Variants in PRR27 observed in about 807,000 individuals in gnomAD.
The protein encoded by PRR27 is proline rich 27.
In PRR27, 12 loss-of-function variants were observed where a neutral mutation model predicts 16.8. The ratio of observed to expected loss-of-function variants is 0.71; its 90% CI spans 0.46 to 1.16. PRR27 has a LOEUF of 1.16. PRR27 is among the 50% of genes most tolerant of loss of function. The probability of loss-of-function intolerance (pLI) is 0.00; values close to 1 mark genes in which losing one functional copy is unlikely to be tolerated. For synonymous variants in PRR27, 100 were observed against 98.4 expected, an observed-to-expected ratio of 1.02 and a Z score of -0.10; for missense variants, 277 against 273.3, an observed-to-expected ratio of 1.01 and a Z score of -0.10.
At position 70,163,993 on chromosome 4, in the gene PRR27, GA is replaced by G. The variant is rs1309956279; in HGVS notation, c.*1335del. On this transcript the variant is annotated 3_prime_UTR_variant, in exon 5 of 5. Coordinates refer to ENST00000344526, the MANE Select transcript of PRR27 (RefSeq NM_214711.4). ...TTTTCTACTTCGGGGGTCTCATATA[GA>G]AATCCTGCTTCAGAATACTCTTCCC... is the stretch of plus-strand genomic sequence containing the variant. 2 of 151,508 alleles carry G rather than the reference GA, an allele frequency of 1.3e-5. No homozygotes were observed. Among genetic ancestry groups the G allele is most frequent in the East Asian group, 3.9e-4 (2 of 5,138 alleles). The allele number at this position is 151,508 out of a possible 1,614,324, so 9.4% of individuals were successfully genotyped here.
intron 3 of PRR27, among the ~76,000 whole-genome samples, chr4:70,159,108 T>TA (rs1366911971): frequency 6.6e-6 from 1 of 152,188 alleles, no homozygotes; most frequent in Non-Finnish European, 1.5e-5. Context: ...TGAAAAGAGT[T>TA]ACCAGGATGG....
intron 1 of PRR27, among the ~76,000 whole-genome samples, chr4:70,155,095 C>T (rs769926318): frequency 2.0e-5 from 3 of 152,120 alleles, no homozygotes; most frequent in Non-Finnish European, 4.4e-5. Flanking sequence ...AGAAACTCAA[C>T]TGCTACTTGA....
In PRR27 at chr4:70,158,749, C is replaced by G. The variant is rs201012961; in HGVS notation, c.497C>G (p.Ala166Gly). ...AEPAAEAPVG[A>G]EPAAEAPVAA... Reference sequence around the variant, plus strand: ...CCTGCTGCAGAGGCACCTGTTGGAGCTGAGCCTGCTGCAGAGGCACCTGTT... The same window carrying G: ...CCTGCTGCAGAGGCACCTGTTGGAGGTGAGCCTGCTGCAGAGGCACCTGTT... The change falls in exon 3 of 5, where the codon GCT becomes GGT. Residue 166 changes from alanine (A) to glycine (G), a missense_variant. Physicochemically the swap from Ala to Gly is moderately conservative, Grantham distance 60. Coordinates refer to ENST00000344526, the MANE Select transcript of PRR27 (RefSeq NM_214711.4). 135 of 1,546,092 alleles carry G rather than the reference C, an allele frequency of 8.7e-5. 5 individuals carry two copies. Among genetic ancestry groups the G allele is most frequent in the Non-Finnish European group, 1.1e-4 (127 of 1,124,602 alleles).
At position 70,158,189 on chromosome 4, in the gene PRR27, T is replaced by C. The variant is rs1728534578; in HGVS notation, c.76-139T>C. On this transcript the variant is annotated intron_variant, in intron 2 of 4. Coordinates refer to ENST00000344526, the MANE Select transcript of PRR27 (RefSeq NM_214711.4). ...ACTTCTTACTTCAAAAATATGGAAG[T>C]ACACTAGACTTAAGAAAGATAAGAC... The C allele has an allele frequency of 4.9e-6, 3 of 610,550 alleles. No homozygotes were observed. The East Asian group carries it at 8.1e-5, about 16-fold the overall frequency. 37.8% of individuals were successfully genotyped at this position (610,550 alleles called of 1,614,324 possible).
intron 3 of PRR27, among the ~76,000 whole-genome samples, chr4:70,159,517 T>C (rs1294368969): frequency 6.6e-6 from 1 of 152,116 alleles, no homozygotes; most frequent in Non-Finnish European, 1.5e-5. Flanking sequence ...GTTCCTAATA[T>C]TAGGGGAAAG....
chr4:70,158,237 A>T, intron 2 of PRR27, 91 bp from the exon 3 acceptor site: 1 of 808,892 alleles, frequency 1.2e-6, no homozygotes, highest in Non-Finnish European at 2.0e-6. Context: ...TCAAAATATC[A>T]TTACTTATCA....
Position 70,164,592 on chromosome 4 carries a change from A to G in PRR27, c.*1931A>G, listed in dbSNP as rs773175456. ...TATCTGTCTTTCACAGATACATGCA[A>G]TATTCACTTCTAAATATTTAATGAT... is the stretch of plus-strand genomic sequence containing the variant. On this transcript the variant is annotated 3_prime_UTR_variant, in exon 5 of 5. Coordinates refer to ENST00000344526, the MANE Select transcript of PRR27 (RefSeq NM_214711.4). 2.4e-4 allele frequency: 37 copies of G among 152,146 alleles called. No individual in the cohort carries two copies. The highest frequency in any genetic ancestry group is 1.3e-4 in the Admixed American group (2 of 15,274). The allele number at this position is 152,146 out of a possible 1,614,324, so 9.4% of individuals were successfully genotyped here.
chr4:70,163,342 T>G lies in PRR27; in HGVS notation c.*681T>G, dbSNP rs1347423696. ...TTTTTTTTTTTTTTTTGAGACGAAG[T>G]CTCACACTGTTGCACGGCTGTAGTG... On this transcript the variant is annotated 3_prime_UTR_variant, in exon 5 of 5. Coordinates refer to ENST00000344526, the MANE Select transcript of PRR27 (RefSeq NM_214711.4). 7.3e-6 allele frequency: 1 copy of G among 137,596 alleles called. No homozygotes were observed. Among genetic ancestry groups the G allele is most frequent in the Non-Finnish European group, 1.5e-5 (1 of 65,190 alleles). The allele number at this position is 137,596 out of a possible 1,614,324, so 8.5% of individuals were successfully genotyped here.
intron 3 of PRR27, among the ~76,000 whole-genome samples, chr4:70,159,207 A>G (rs556153640): frequency 9.9e-5 from 15 of 152,208 alleles, no homozygotes; most frequent in African/African-American, 3.4e-4. Flanking sequence ...GTTTTTTGTC[A>G]CTACAAATTG....
rs540854115 is a variant in PRR27 at position 70,155,562 on chromosome 4, G to A, written c.52-492G>A. ...TTTTTGTATCTTTAGTAGAGACGGG[G>A]TTTCACCGTGTTAGCCAGGATGGTT... is the stretch of plus-strand genomic sequence containing the variant. On this transcript the variant is annotated intron_variant, in intron 1 of 4. Coordinates refer to ENST00000344526, the MANE Select transcript of PRR27 (RefSeq NM_214711.4). 7.2e-5 allele frequency among the ~76,000 whole-genome samples: 11 copies of A among 152,184 alleles called. No individual in the cohort carries two copies. In the South Asian group the frequency reaches 2.3e-3, roughly 32 times the overall value.
At position 70,165,907 on chromosome 4, in the gene PRR27, T is replaced by G. The variant is rs1728756634; in HGVS notation, c.*3246T>G. 4 of 152,148 alleles carry G rather than the reference T, an allele frequency of 2.6e-5. No individual in the cohort carries two copies. The allele number at this position is 152,148 out of a possible 1,614,324, so 9.4% of individuals were successfully genotyped here. On this transcript the variant is annotated 3_prime_UTR_variant, in exon 5 of 5. Coordinates refer to ENST00000344526, the MANE Select transcript of PRR27 (RefSeq NM_214711.4). ...TTGCCAGATGGCCCACTATACATCC[T>G]TTCTTCTATTTCTTTCTTTTGTGGC...
At position 70,166,160 on chromosome 4, in the gene PRR27, A is replaced by G. The variant is rs556245196; in HGVS notation, c.*3499A>G. On this transcript the variant is annotated 3_prime_UTR_variant, in exon 5 of 5. Transcript: ENST00000344526. ...TTTTCACATTTTTGAATGTATTCAT[A>G]GTTTCACTTTAATTGATGTTTGCCA... 1.7e-4 allele frequency: 26 copies of G among 152,240 alleles called. No individual in the cohort carries two copies. Among genetic ancestry groups the G allele is most frequent in the African/African-American group, 6.0e-4 (25 of 41,576 alleles). 9.4% of individuals were successfully genotyped at this position (152,240 alleles called of 1,614,324 possible). A position where few individuals can be genotyped will look rare whatever the true frequency, so the allele number is the denominator to read the frequency against.
intron 1 of PRR27, among the ~76,000 whole-genome samples, chr4:70,155,068 A>G (rs971261971): frequency 6.6e-6 from 1 of 152,188 alleles, no homozygotes. Context: ...TGCTTAGCAG[A>G]GTACCTCAGG....
Position 70,166,138 on chromosome 4 carries a change from T to G in PRR27, c.*3477T>G, listed in dbSNP as rs1224856345. ...TCAACATTTATATTTCTGAGACTTT[T>G]CACATTTTTGAATGTATTCATAGTT... is the stretch of plus-strand genomic sequence containing the variant. On this transcript the variant is annotated 3_prime_UTR_variant, in exon 5 of 5. Transcript: ENST00000344526. The G allele has an allele frequency of 1.3e-5, 2 of 152,240 alleles. No individual in the cohort carries two copies. Among genetic ancestry groups the G allele is most frequent in the South Asian group, 4.1e-4 (2 of 4,830 alleles). 9.4% of individuals were successfully genotyped at this position (152,240 alleles called of 1,614,324 possible).
rs376979032 is a variant in PRR27, at chr4:70,158,814, C to A, written c.562C>A (p.Pro188Thr). 4.3e-6 allele frequency: 7 copies of A among 1,613,804 alleles called. No individual in the cohort carries two copies. The highest frequency in any genetic ancestry group is 1.3e-5 in the African/African-American group (1 of 74,862). The change falls in exon 3 of 5, where the codon CCA (proline) becomes ACA (threonine). Residue 188 changes from proline (P) to threonine (T), a missense_variant. Transcript: ENST00000344526. The part of the protein sequence containing the change: ...PAAEAPVGVE[P>T]AAEEPSPAEP... ...TGCAGAGGCACCTGTTGGAGTGGAG[C>A]CAGCTGCAGAGGAACCTTCACCAGC...
Position 70,165,612 on chromosome 4 carries a change from G to A in PRR27, c.*2951G>A, listed in dbSNP as rs775271185. On this transcript the variant is annotated 3_prime_UTR_variant, in exon 5 of 5. Coordinates refer to ENST00000344526, the MANE Select transcript of PRR27 (RefSeq NM_214711.4). ...GCTTTTTATAGAAAAATGCTACTGC[G>A]AAATTATTTTGAGTCATATCTTTTG... is the stretch of plus-strand genomic sequence containing the variant. The A allele has an allele frequency of 5.3e-5, 8 of 152,086 alleles. No homozygotes were observed. Among genetic ancestry groups the A allele is most frequent in the Admixed American group, 2.6e-4 (4 of 15,256 alleles). 9.4% of individuals were successfully genotyped at this position (152,086 alleles called of 1,614,324 possible). A position where few individuals can be genotyped will look rare whatever the true frequency, so the allele number is the denominator to read the frequency against.
chr4:70,155,544 A>G (rs1475237730), intron 1 of PRR27, among the ~76,000 whole-genome samples: 1 of 151,912 alleles, frequency 6.6e-6, no homozygotes, highest in Non-Finnish European at 1.5e-5. Context: ...AATTTTTTGT[A>G]TCTTTAGTAG....
At chr4:70,154,486 G>A in intron 1 of PRR27, 60 bp downstream of exon 1, 1 of 1,357,880 alleles carries the variant, frequency 7.4e-7, no homozygotes, top group South Asian at 1.2e-5. Flanking sequence ...ATTGTTTATA[G>A]GCATTTGTGC....
At chr4:70,161,686 A>G in intron 4 of PRR27, 56 bp downstream of exon 4, 1 of 793,446 alleles carries the variant, frequency 1.3e-6, no homozygotes, top group South Asian at 2.1e-5. Context: ...GTTAAATCTC[A>G]TAATCTGAAG....
Sources: allele counts gnomAD v4.1 joint callset (sites outside exome capture counted in the v4.1 genomes callset), GRCh38; gene constraint gnomAD v4.1.1; transcripts MANE v1.5; gene names NCBI Gene and HGNC (gene_info 2026-07-23, HGNC 2026-07-21).